ARHGEF10: variants seen among roughly 807,000 people sequenced by gnomAD.
ARHGEF10 encodes Rho guanine nucleotide exchange factor (GEF) 10.
A neutral mutation model predicts 147.4 loss-of-function variants in ARHGEF10; 140 were observed. The observed-to-expected ratio is 0.95, with a 90% CI of 0.83 to 1.09. The LOEUF is 1.09. Ranked by LOEUF, ARHGEF10 falls within the 50% of genes least tolerant of loss-of-function variation. The pLI is 0.00. For synonymous variants in ARHGEF10, 902 were observed against 695.8 expected, an observed-to-expected ratio of 1.30 and a Z score of -4.67; for missense variants, 2,222 against 1,752.7, an observed-to-expected ratio of 1.27 and a Z score of -4.78.
At chr8:1,839,024 C>A (rs1013542080) in intron 1 of ARHGEF10, among the ~76,000 whole-genome samples, 27 of 151,792 alleles carry the variant, frequency 1.8e-4, no homozygotes, top group Non-Finnish European at 2.2e-4. Flanking sequence ...GATGTGGGGA[C>A]TGTCCAGCGT....
At chr8:1,847,107 C>G (rs1804622447) in intron 2 of ARHGEF10, among the ~76,000 whole-genome samples, 1 of 152,116 alleles carries the variant, frequency 6.6e-6, no homozygotes, top group African/African-American at 2.4e-5. Flanking sequence ...GGCAACACGT[C>G]AGGTCATCAC....
chr8:1,902,709 G>A (rs1323187856), intron 15 of ARHGEF10, among the ~76,000 whole-genome samples: 1 of 152,146 alleles, frequency 6.6e-6, no homozygotes, highest in Admixed American at 6.5e-5. Context: ...GTACCCTTGT[G>A]CTGTGCATTC....
At chr8:1,884,276 G>A (rs1037781928) in intron 10 of ARHGEF10, among the ~76,000 whole-genome samples, 2 of 151,918 alleles carry the variant, frequency 1.3e-5, no homozygotes, top group South Asian at 2.1e-4. Flanking sequence ...GGTGCCTGTA[G>A]TCCCAGCTAC....
chr8:1,923,071 A>C lies in ARHGEF10; in HGVS notation c.2251A>C (p.Asn751His). ...ITQLIGNLKG[N>H]YQNLNQSVAH... Reference sequence around the variant, plus strand: ...TCAGCTGATAGGAAACCTTAAAGGAAACTATCAGGTAACAATTGAAGCAAT... The same window carrying C: ...TCAGCTGATAGGAAACCTTAAAGGACACTATCAGGTAACAATTGAAGCAAT... Residue 751 changes from asparagine (N) to histidine (H), a missense_variant, in exon 19 of 29, where the codon AAC becomes CAC. Coordinates refer to ENST00000349830, the MANE Select transcript of ARHGEF10 (RefSeq NM_014629.4). 1 of 1,600,796 alleles carries C rather than the reference A, an allele frequency of 6.2e-7. No homozygotes were observed. The highest frequency in any genetic ancestry group is 1.1e-5 in the South Asian group (1 of 90,744).
In ARHGEF10 at chr8:1,886,347, A is replaced by C. The variant is rs1192061080; in HGVS notation, c.1182+640A>C. On this transcript the variant is annotated intron_variant, in intron 11 of 28. Transcript: ENST00000349830. ...CAGCGAGGTGCAAATCATGGACACCAGGATGGATAGGCAGACATATGTGTA... is the reference window on the plus strand; with the variant it reads ...CAGCGAGGTGCAAATCATGGACACCCGGATGGATAGGCAGACATATGTGTA... Among the ~76,000 whole-genome samples the C allele has an allele frequency of 1.3e-5, 2 of 152,352 alleles. 1 individual carries two copies. Among genetic ancestry groups the C allele is most frequent in the East Asian group, 3.9e-4 (2 of 5,184 alleles).
chr8:1,936,726 T>C (rs1056273686), intron 26 of ARHGEF10, among the ~76,000 whole-genome samples: 6 of 152,260 alleles, frequency 3.9e-5, no homozygotes, highest in African/African-American at 1.4e-4. Context: ...TTAGGAACTT[T>C]AAGACATTTT....
In ARHGEF10 at chr8:1,909,315, T is replaced by C. The variant is rs1811169224; in HGVS notation, c.1988T>C (p.Val663Ala). 6.2e-7 allele frequency: 1 copy of C among 1,614,114 alleles called. No individual in the cohort carries two copies. Among genetic ancestry groups the C allele is most frequent in the Non-Finnish European group, 8.5e-7 (1 of 1,180,050 alleles). The change falls in exon 18 of 29, where the codon GTG becomes GCG. Residue 663 changes from valine to alanine, a missense_variant. Transcript: ENST00000349830. The stretch of plus-strand genomic sequence containing the variant: ...TTCAGCCCCTCTCATGACAGCCGTG[T>C]GATGAGCAGCCAGAGGTACTTGCTG... ...VSSRPSHDSR[V>A]MSSQRYLLKW...
chr8:1,912,176 C>T (rs1019837827), intron 18 of ARHGEF10, among the ~76,000 whole-genome samples: 5 of 142,704 alleles, frequency 3.5e-5, no homozygotes, highest in African/African-American at 2.6e-5. Context: ...AGCGCCGTGT[C>T]GATTGTGTGT....
intron 18 of ARHGEF10, among the ~76,000 whole-genome samples, chr8:1,918,354 A>G (rs1811914216): frequency 6.6e-6 from 1 of 152,002 alleles, no homozygotes; most frequent in African/African-American, 2.4e-5. Context: ...GCACATTTCC[A>G]TGGTCCGTAA....
intron 18 of ARHGEF10, among the ~76,000 whole-genome samples, chr8:1,913,605 G>C (rs529009427): frequency 9.8e-5 from 15 of 152,286 alleles, no homozygotes; most frequent in African/African-American, 3.4e-4. Flanking sequence ...CATCTACCTG[G>C]TCCAATACCA....
At chr8:1,827,098 G>A (rs2129029946) in intron 1 of ARHGEF10, among the ~76,000 whole-genome samples, 1 of 152,314 alleles carries the variant, frequency 6.6e-6, no homozygotes, top group East Asian at 1.9e-4. Flanking sequence ...CCCCAGGTCC[G>A]TCTAGGGAGG....
At chr8:1,875,880 T>C (rs562950694) in intron 7 of ARHGEF10, among the ~76,000 whole-genome samples, 16 of 152,340 alleles carry the variant, frequency 1.1e-4, no homozygotes, top group Non-Finnish European at 1.9e-4. Flanking sequence ...GCATAAAGAA[T>C]AAATTTAATA....
At chr8:1,920,730 T>C (rs1812219855) in intron 18 of ARHGEF10, among the ~76,000 whole-genome samples, 1 of 152,180 alleles carries the variant, frequency 6.6e-6, no homozygotes, top group East Asian at 1.9e-4. Flanking sequence ...AAGCATTCTG[T>C]AAGGATAAAT....
chr8:1,935,714 A>G (rs920739389), intron 26 of ARHGEF10, among the ~76,000 whole-genome samples: 7 of 152,210 alleles, frequency 4.6e-5, no homozygotes, highest in African/African-American at 1.7e-4. Context: ...AAGGGTATCC[A>G]TTGCAACCTT....
At chr8:1,916,717 G>C (rs1811787680) in intron 18 of ARHGEF10, among the ~76,000 whole-genome samples, 1 of 152,128 alleles carries the variant, frequency 6.6e-6, no homozygotes, top group South Asian at 2.1e-4. Context: ...AATTCAATTT[G>C]TGCCTCTTAT....
intron 6 of ARHGEF10, among the ~76,000 whole-genome samples, chr8:1,867,882 C>T (rs1036762755): frequency 6.6e-6 from 1 of 152,164 alleles, no homozygotes; most frequent in Non-Finnish European, 1.5e-5. Context: ...TCAATTATGA[C>T]GTTGTTAAAA....
intron 9 of ARHGEF10, among the ~76,000 whole-genome samples, chr8:1,881,270 C>G (rs1347491940): frequency 1.3e-5 from 2 of 152,182 alleles, no homozygotes; most frequent in Non-Finnish European, 2.9e-5. Context: ...AACCCGGGGT[C>G]TCACCTGCTC....
rs1458201152 is a variant in ARHGEF10, at chr8:1,886,197, C to T, written c.1182+490C>T. 3.3e-5 allele frequency among the ~76,000 whole-genome samples: 5 copies of T among 152,134 alleles called. No individual in the cohort carries two copies. The East Asian group carries it at 7.7e-4, about 23-fold the overall frequency. ...CAGAAGGGAAAAAATCAGTGGTTTT[C>T]ATTGGATTGTCTTAGGGTAAAAGGA... is the stretch of plus-strand genomic sequence containing the variant. On this transcript the variant is annotated intron_variant, in intron 11 of 28. Transcript: ENST00000349830.
chr8:1,895,901 C>T (rs1809932406), intron 13 of ARHGEF10, among the ~76,000 whole-genome samples: 1 of 152,014 alleles, frequency 6.6e-6, no homozygotes, highest in African/African-American at 2.4e-5. Flanking sequence ...TCAGCCCCCG[C>T]CCCCAGCCCC....
Sources: gnomAD v4.1 joint callset for allele counts (sites outside exome capture counted in the v4.1 genomes callset) on GRCh38, gnomAD v4.1.1 for gene constraint, MANE v1.5 for transcripts, NCBI Gene and HGNC (gene_info 2026-07-23, HGNC 2026-07-21) for gene names.